Variants in TINAGL1 observed in about 807,000 individuals in gnomAD.
TINAGL1 encodes tubulointerstitial nephritis antigen-like.
A neutral mutation model predicts 62.0 loss-of-function variants in TINAGL1; 34 were observed. The ratio of observed to expected loss-of-function variants is 0.55; its 90% CI spans 0.42 to 0.73. TINAGL1 has a LOEUF of 0.73. TINAGL1 is among the 30% of genes least tolerant of loss of function. TINAGL1 has a pLI of 0.00. For missense variants in TINAGL1, 516 were observed against 653.2 expected, an observed-to-expected ratio of 0.79 and a Z score of 2.29; for synonymous variants, 221 against 249.7, an observed-to-expected ratio of 0.88 and a Z score of 1.08.
chr1:31,581,612 G>C (rs1639247648), intron 3 of TINAGL1, among the ~76,000 whole-genome samples: 1 of 152,154 alleles, frequency 6.6e-6, no homozygotes, highest in Admixed American at 6.5e-5. Context: ...AAGGTCAGTG[G>C]GATATGAGTC....
chr1:31,587,302 C>A lies in TINAGL1; in HGVS notation c.*323C>A. ...ACACCTCAAGTCTCCAGCCCCACTA[C>A]CCCACCCCACTCCTGTATTCTTTTT... On this transcript the variant is annotated 3_prime_UTR_variant, in exon 12 of 12. Coordinates refer to ENST00000271064, the MANE Select transcript of TINAGL1 (RefSeq NM_022164.3). 3.8e-6 allele frequency: 1 copy of A among 263,112 alleles called. No individual in the cohort carries two copies. Among genetic ancestry groups the A allele is most frequent in the East Asian group, 6.9e-5 (1 of 14,542 alleles). 16.3% of individuals were successfully genotyped at this position (263,112 alleles called of 1,614,324 possible).
In TINAGL1 at chr1:31,583,254, A is replaced by T. The variant is rs747154853; in HGVS notation, c.467+13A>T. 2.0e-5 allele frequency: 32 copies of T among 1,612,792 alleles called. No homozygotes were observed. The highest frequency in any genetic ancestry group is 2.4e-5 in the Non-Finnish European group (28 of 1,178,928). ...AGGGCAACTATGGGTGAGAGGCCCT[A>T]GAGGCACCCTCAGTGGGCACACATG... On this transcript the variant is annotated intron_variant, in intron 4 of 11. Coordinates refer to ENST00000271064, the MANE Select transcript of TINAGL1 (RefSeq NM_022164.3). The surrounding 1 kb of genome is among the most constrained non-coding windows in gnomAD (Gnocchi z 4.4).
Position 31,586,827 on chromosome 1 carries a change from C to T in TINAGL1, c.1264-12C>T. On this transcript the variant is annotated splice_polypyrimidine_tract_variant and intron_variant, in intron 11 of 11. Coordinates refer to ENST00000271064, the MANE Select transcript of TINAGL1 (RefSeq NM_022164.3). ...TCCCATTCCCCTTCTCACCACCCCT[C>T]CTTATTCCCAGACTGCGGCCAACTC... 1 of 1,544,338 alleles carries T rather than the reference C, an allele frequency of 6.5e-7. No individual in the cohort carries two copies.
rs1038197217 is a variant in TINAGL1 at position 31,577,966 on chromosome 1, G to A, written c.310+508G>A. Among the ~76,000 whole-genome samples the A allele has an allele frequency of 3.3e-5, 5 of 152,148 alleles. No homozygotes were observed. Among genetic ancestry groups the A allele is most frequent in the African/African-American group, 4.8e-5 (2 of 41,420 alleles). ...CCCACAGTTCCATGGGGCTTGGGCC[G>A]GCAGACTGCATACCTGAGCTGTCAT... On this transcript the variant is annotated intron_variant, in intron 2 of 11. Coordinates refer to ENST00000271064, the MANE Select transcript of TINAGL1 (RefSeq NM_022164.3). The surrounding 1 kb of genome is among the most constrained non-coding windows in gnomAD (Gnocchi z 5.4).
At chr1:31,581,679 A>G (rs1639249144) in intron 3 of TINAGL1, among the ~76,000 whole-genome samples, 1 of 152,190 alleles carries the variant, frequency 6.6e-6, no homozygotes, top group African/African-American at 2.4e-5. Flanking sequence ...GATAGTAGAT[A>G]TTAATTCTGA....
rs79215396 is a variant in TINAGL1, at chr1:31,581,531, A to G, written c.375-1618A>G. 1.2e-3 allele frequency among the ~76,000 whole-genome samples: 177 copies of G among 152,294 alleles called. 1 individual carries two copies. Among genetic ancestry groups the G allele is most frequent in the Middle Eastern group, 6.8e-3 (2 of 294 alleles). On this transcript the variant is annotated intron_variant, in intron 3 of 11. Coordinates refer to ENST00000271064, the MANE Select transcript of TINAGL1 (RefSeq NM_022164.3). ...TTTTCAGAGTTGAAGATGTTAGGAA[A>G]GAGCAGGCTTGTGGGAGGCAGACGG...
In TINAGL1 at chr1:31,585,932, C is replaced by T. The variant is rs1212336719; in HGVS notation, c.1217+56C>T. On this transcript the variant is annotated intron_variant, in intron 10 of 11. Transcript: ENST00000271064. This position sits in a 1 kb window ranked among gnomAD's most constrained non-coding sequence, Gnocchi z 4.3. ...GACAGCAGGGTTTGTGCTAGGGGCT[C>T]TGGAGCCTGCCTTGGGTTCTTACAA... The T allele has an allele frequency of 2.0e-6, 3 of 1,506,208 alleles. No individual in the cohort carries two copies. Among genetic ancestry groups the T allele is most frequent in the Non-Finnish European group, 2.7e-6 (3 of 1,124,178 alleles). 93.3% of individuals were successfully genotyped at this position (1,506,208 alleles called of 1,614,324 possible).
At position 31,583,825 on chromosome 1, in the gene TINAGL1, T is replaced by C; in HGVS notation, c.582+250T>C. 2.0e-6 allele frequency: 1 copy of C among 506,418 alleles called. No individual in the cohort carries two copies. Among genetic ancestry groups the C allele is most frequent in the Non-Finnish European group, 3.6e-6 (1 of 279,310 alleles). The allele number at this position is 506,418 out of a possible 1,614,324, so 31.4% of individuals were successfully genotyped here. On this transcript the variant is annotated intron_variant, in intron 5 of 11. Coordinates refer to ENST00000271064, the MANE Select transcript of TINAGL1 (RefSeq NM_022164.3). The surrounding 1 kb of genome is among the most constrained non-coding windows in gnomAD (Gnocchi z 4.4). ...CAGCTCCCCCCTGATCTCTCCAGCC[T>C]GGGAAAAATGCTGTTGGTCTCAGTA...
At chr1:31,578,785 T>C (rs1461576412) in intron 2 of TINAGL1, among the ~76,000 whole-genome samples, 1 of 148,596 alleles carries the variant, frequency 6.7e-6, no homozygotes. Context: ...GGTGTGTGTG[T>C]GTGTGATGTC....
Position 31,584,565 on chromosome 1 carries a change from T to A in TINAGL1, c.583-113T>A. 1 of 1,534,990 alleles carries A rather than the reference T, an allele frequency of 6.5e-7. No individual in the cohort carries two copies. Among genetic ancestry groups the A allele is most frequent in the Non-Finnish European group, 8.9e-7 (1 of 1,127,872 alleles). On this transcript the variant is annotated intron_variant, in intron 5 of 11. Coordinates refer to ENST00000271064, the MANE Select transcript of TINAGL1 (RefSeq NM_022164.3). This position sits in a 1 kb window ranked among gnomAD's most constrained non-coding sequence, Gnocchi z 4.0. ...TGGAATCCTGCAGCAGCAGGAGGGC[T>A]CAAGATTAAACTGCAGAAGGCCCTG...
At position 31,587,039 on chromosome 1, in the gene TINAGL1, C is replaced by T; in HGVS notation, c.*60C>T. Reference sequence around the variant, plus strand: ...CCAGGCTAAGGGCCGGCGGAAGAGGCCCCAATGGGGCGGTGACCCCAGCCT... The same window carrying T: ...CCAGGCTAAGGGCCGGCGGAAGAGGTCCCAATGGGGCGGTGACCCCAGCCT... On this transcript the variant is annotated 3_prime_UTR_variant, in exon 12 of 12. Coordinates refer to ENST00000271064, the MANE Select transcript of TINAGL1 (RefSeq NM_022164.3). 1.4e-6 allele frequency: 2 copies of T among 1,394,424 alleles called. No individual in the cohort carries two copies. Among genetic ancestry groups the T allele is most frequent in the Non-Finnish European group, 1.9e-6 (2 of 1,079,870 alleles). The allele number at this position is 1,394,424 out of a possible 1,614,324, so 86.4% of individuals were successfully genotyped here. A position where few individuals can be genotyped will look rare whatever the true frequency, so the allele number is the denominator to read the frequency against.
At position 31,579,262 on chromosome 1, in the gene TINAGL1, C is replaced by T. The variant is rs1295614480; in HGVS notation, c.369C>T (p.Asn123=). ...PVLGTYWDNC[N]RCTCQENRQW... ...TGGGAACGTACTGGGACAACTGTAA[C>T]CGTTGGTGAGTGTTTGGAGCTTAGA... is the stretch of plus-strand genomic sequence containing the variant. The change falls in exon 3 of 12, where the codon AAC becomes AAT. Residue 123 remains asparagine, a synonymous_variant. Transcript: ENST00000271064. 1 of 1,613,962 alleles carries T rather than the reference C, an allele frequency of 6.2e-7. No individual in the cohort carries two copies. Among genetic ancestry groups the T allele is most frequent in the Non-Finnish European group, 8.5e-7 (1 of 1,179,878 alleles).
Position 31,584,863 on chromosome 1 carries a change from GC to G in TINAGL1, c.707-19del, listed in dbSNP as rs1224924820. 1 of 1,613,234 alleles carries G rather than the reference GC, an allele frequency of 6.2e-7. No homozygotes were observed. The highest frequency in any genetic ancestry group is 1.3e-5 in the African/African-American group (1 of 74,932). Reference sequence around the variant, plus strand: ...GGGCCAAGTCCTGAGCCTCCCGACAGCCCCTCTATCTCACCCCACCAGCTGT... The same window carrying G: ...GGGCCAAGTCCTGAGCCTCCCGACAGCCCTCTATCTCACCCCACCAGCTGT... On this transcript the variant is annotated intron_variant, in intron 6 of 11. Transcript: ENST00000271064. This position sits in a 1 kb window ranked among gnomAD's most constrained non-coding sequence, Gnocchi z 4.0.
In TINAGL1 at chr1:31,583,711, C is replaced by A; in HGVS notation, c.582+136C>A. 2.8e-6 allele frequency: 2 copies of A among 722,554 alleles called. No individual in the cohort carries two copies. The highest frequency in any genetic ancestry group is 3.5e-5 in the South Asian group (2 of 56,708). The allele number at this position is 722,554 out of a possible 1,614,324, so 44.8% of individuals were successfully genotyped here. Reference sequence around the variant, plus strand: ...GCTGTGTGTCCCTGGACAAGTTACTCCCCTTCTCTGGGCCTCTGTTCCCTG... The same window carrying A: ...GCTGTGTGTCCCTGGACAAGTTACTACCCTTCTCTGGGCCTCTGTTCCCTG... On this transcript the variant is annotated intron_variant, in intron 5 of 11. Coordinates refer to ENST00000271064, the MANE Select transcript of TINAGL1 (RefSeq NM_022164.3). This position sits in a 1 kb window ranked among gnomAD's most constrained non-coding sequence, Gnocchi z 4.4.
In TINAGL1 at chr1:31,585,872, A is replaced by G; in HGVS notation, c.1213A>G (p.Thr405Ala). The G allele has an allele frequency of 6.3e-7, 1 of 1,589,808 alleles. No homozygotes were observed. ...RRHGTHSVKI[T>A]GWGEETLPDG... ...GCATGGGACCCACTCAGTCAAGATC[A>G]CAGGGTGAGGGGCGTGTGGGCAGAG... Residue 405 changes from threonine (T) to alanine (A), a missense_variant, in exon 10 of 12, where the codon ACA (threonine) becomes GCA (alanine). Physicochemically the swap from Thr to Ala is moderately conservative, Grantham distance 58 (BLOSUM62 0). Transcript: ENST00000271064. The surrounding 1 kb of genome is among the most constrained non-coding windows in gnomAD (Gnocchi z 4.3).
chr1:31,581,803 G>A (rs1639251775), intron 3 of TINAGL1, among the ~76,000 whole-genome samples: 1 of 152,226 alleles, frequency 6.6e-6, no homozygotes, highest in South Asian at 2.1e-4. Flanking sequence ...CATTGAGAGA[G>A]ACAGAGCTTG....
Position 31,586,882 on chromosome 1 carries a change from A to G in TINAGL1, c.1307A>G (p.His436Arg). Residue 436 changes from histidine to arginine, a missense_variant, in exon 12 of 12, where the codon CAC (histidine) becomes CGC (arginine). By Grantham distance (29) the His-to-Arg change is conservative (BLOSUM62 0). Coordinates refer to ENST00000271064, the MANE Select transcript of TINAGL1 (RefSeq NM_022164.3). ...SWGPAWGERG[H>R]FRIVRGVNEC... is the part of the protein sequence containing the mutation. ...GGCCCAGCCTGGGGCGAGAGGGGCC[A>G]CTTCCGCATCGTGCGCGGCGTCAAT... 7 of 1,550,612 alleles carry G rather than the reference A, an allele frequency of 4.5e-6. No individual in the cohort carries two copies. Among genetic ancestry groups the G allele is most frequent in the South Asian group, 2.5e-5 (2 of 81,590 alleles).
At chr1:31,580,545 T>A (rs970500492) in intron 3 of TINAGL1, 2 of 1,288,638 alleles carry the variant, frequency 1.6e-6, no homozygotes, top group Non-Finnish European at 1.0e-6. Flanking sequence ...AAAGGAAGGA[T>A]GAGGAAAGCC....
intron 2 of TINAGL1, 72 bp from the exon 3 acceptor site, chr1:31,579,132 C>T: frequency 4.1e-6 from 5 of 1,232,588 alleles, no homozygotes; most frequent in Non-Finnish European, 6.0e-6. Flanking sequence ...GGTACCTGAC[C>T]TCCAAGGACC....
Sources: gnomAD v4.1 joint callset for allele counts (sites outside exome capture counted in the v4.1 genomes callset) on GRCh38, gnomAD v4.1.1 for gene constraint, Gnocchi (gnomAD v3.1) non-coding constraint, MANE v1.5 for transcripts, NCBI Gene and HGNC (gene_info 2026-07-23, HGNC 2026-07-21) for gene names.